Variants in IKZF3 observed in about 807,000 individuals in gnomAD.
The protein encoded by IKZF3 is IKAROS family zinc finger 3.
A neutral mutation model predicts 49.0 loss-of-function variants in IKZF3; 10 were observed. The ratio of observed to expected loss-of-function variants is 0.20; its 90% CI spans 0.13 to 0.35. IKZF3 has a LOEUF of 0.35. Among genes scored for constraint, IKZF3 ranks in the 10% least tolerant of loss-of-function variants. IKZF3 has a pLI of 1.00. For missense variants in IKZF3, 498 were observed against 664.8 expected (o/e 0.75, Z 2.76); for synonymous variants, 209 against 228.2 (o/e 0.92, Z 0.76).
intron 1 of IKZF3, among the ~76,000 whole-genome samples, chr17:39,834,402 T>G (rs1352512470): frequency 6.6e-6 from 1 of 152,232 alleles, no homozygotes; most frequent in Non-Finnish European, 1.5e-5. Context: ...GCTATAAGTT[T>G]TCCTGTAAGC....
chr17:39,830,023 A>G (rs1205115225), intron 2 of IKZF3, among the ~76,000 whole-genome samples: 2 of 152,188 alleles, frequency 1.3e-5, no homozygotes, highest in Non-Finnish European at 2.9e-5. Flanking sequence ...ACTTTCTTGA[A>G]TATTTCTTTC....
intron 1 of IKZF3, among the ~76,000 whole-genome samples, chr17:39,857,344 G>A (rs2063090598): frequency 6.6e-6 from 1 of 152,240 alleles, no homozygotes; most frequent in African/African-American, 2.4e-5. Flanking sequence ...TAAATTAATA[G>A]TCTCTCTAAT....
intron 1 of IKZF3, among the ~76,000 whole-genome samples, chr17:39,847,232 T>C (rs1004659997): frequency 6.6e-6 from 1 of 152,080 alleles, no homozygotes; most frequent in African/African-American, 2.4e-5. Flanking sequence ...TATATAATCA[T>C]TCCTCAAATT....
intron 1 of IKZF3, among the ~76,000 whole-genome samples, chr17:39,856,287 T>C (rs891551071): frequency 6.6e-6 from 1 of 152,192 alleles, no homozygotes; most frequent in East Asian, 1.9e-4. Flanking sequence ...TAATATTCTT[T>C]TTTATTTATT....
At chr17:39,836,633 T>C (rs1342524741) in intron 1 of IKZF3, among the ~76,000 whole-genome samples, 4 of 152,218 alleles carry the variant, frequency 2.6e-5, no homozygotes, top group Non-Finnish European at 5.9e-5. Flanking sequence ...TCTCCAAATA[T>C]GACTGTTGAT....
intron 3 of IKZF3, among the ~76,000 whole-genome samples, chr17:39,794,710 T>C (rs149155266): frequency 6.6e-6 from 1 of 152,352 alleles, no homozygotes; most frequent in African/African-American, 2.4e-5. Context: ...TAAGAAATGA[T>C]ATCTGTTTCC....
chr17:39,851,744 T>C (rs904896359), intron 1 of IKZF3, among the ~76,000 whole-genome samples: 10 of 152,094 alleles, frequency 6.6e-5, no homozygotes, highest in Admixed American at 1.3e-4. Flanking sequence ...TGTATAAAGG[T>C]GAAAAATAAT....
intron 5 of IKZF3, among the ~76,000 whole-genome samples, chr17:39,789,260 T>A (rs2060950886): frequency 6.6e-6 from 1 of 152,088 alleles, no homozygotes; most frequent in African/African-American, 2.4e-5. Context: ...CAAAACCCCA[T>A]CTCTACTAAA....
intron 3 of IKZF3, among the ~76,000 whole-genome samples, chr17:39,816,952 G>T (rs961702785): frequency 6.6e-6 from 1 of 152,192 alleles, no homozygotes; most frequent in African/African-American, 2.4e-5. Context: ...AACCTCAGGC[G>T]ATCTGCCTGC....
intron 7 of IKZF3, among the ~76,000 whole-genome samples, chr17:39,767,875 C>A (rs751124597): frequency 6.6e-6 from 1 of 151,956 alleles, no homozygotes; most frequent in African/African-American, 2.4e-5. Context: ...CCAGCCCGGG[C>A]AACATGGAGG....
At position 39,857,886 on chromosome 17, in the gene IKZF3, G is replaced by A. The variant is rs118182619; in HGVS notation, c.7+6234C>T. Among the ~76,000 whole-genome samples, 90 of 151,660 alleles carry A rather than the reference G, an allele frequency of 5.9e-4. 4 individuals carry two copies. The East Asian group carries it at 0.015, about 25-fold the overall frequency. On this transcript the variant is annotated intron_variant, in intron 1 of 7. Coordinates refer to ENST00000346872, the MANE Select transcript of IKZF3 (RefSeq NM_012481.5). ...TGCCTCTAGTCCCAGCTACTCAAGAGGATGAGGTGGGAGGATCGCTTGAGC... is the reference window on the plus strand; with the variant it reads ...TGCCTCTAGTCCCAGCTACTCAAGAAGATGAGGTGGGAGGATCGCTTGAGC...
intron 1 of IKZF3, among the ~76,000 whole-genome samples, chr17:39,856,401 G>A (rs1165811445): frequency 6.6e-6 from 1 of 151,972 alleles, no homozygotes; most frequent in African/African-American, 2.4e-5. Flanking sequence ...CAATTCTCCT[G>A]CCTTGCTGGT....
chr17:39,842,479 A>G (rs1198052024), intron 1 of IKZF3, among the ~76,000 whole-genome samples: 1 of 152,230 alleles, frequency 6.6e-6, no homozygotes, highest in Non-Finnish European at 1.5e-5. Flanking sequence ...CTGTGCCAGA[A>G]AGCAAGGAAG....
At chr17:39,772,980 TA>T (rs1392802079) in intron 7 of IKZF3, among the ~76,000 whole-genome samples, 1 of 152,142 alleles carries the variant, frequency 6.6e-6, no homozygotes, top group Non-Finnish European at 1.5e-5. Flanking sequence ...CACACCTGGC[TA>T]ATTTTTGTAT....
chr17:39,845,625 T>C (rs1047655501), intron 1 of IKZF3, among the ~76,000 whole-genome samples: 1 of 152,074 alleles, frequency 6.6e-6, no homozygotes, highest in Non-Finnish European at 1.5e-5. Context: ...GCCAACTAAG[T>C]AGTTGTGACA....
chr17:39,797,713 G>A (rs142173545), intron 3 of IKZF3, among the ~76,000 whole-genome samples: 3 of 152,124 alleles, frequency 2.0e-5, no homozygotes, highest in South Asian at 2.1e-4. Context: ...ATGAGCCACC[G>A]TGCCCGGCCC....
intron 3 of IKZF3, among the ~76,000 whole-genome samples, chr17:39,809,065 T>G (rs1288748310): frequency 6.6e-6 from 1 of 152,240 alleles, no homozygotes; most frequent in African/African-American, 2.4e-5. Context: ...AGGCTGGTTC[T>G]AACACATCTT....
intron 1 of IKZF3, among the ~76,000 whole-genome samples, chr17:39,836,859 G>C (rs573793899): frequency 6.6e-6 from 1 of 152,264 alleles, no homozygotes; most frequent in South Asian, 2.1e-4. Context: ...GCTTTGAATA[G>C]TCATATTGTA....
chr17:39,832,060 T>A lies in IKZF3; in HGVS notation c.61+38A>T, dbSNP rs770640765. On this transcript the variant is annotated intron_variant, in intron 2 of 7. Transcript: ENST00000346872. ...CCTCTCTCTTTGGTATTTTTTTTAG[T>A]AAAGGTATATTTCCAGAGAGGAAAG... The A allele has an allele frequency of 4.0e-6, 6 of 1,482,158 alleles. No homozygotes were observed. The South Asian group carries it at 7.0e-5, about 17-fold the overall frequency. The allele number at this position is 1,482,158 out of a possible 1,614,324, so 91.8% of individuals were successfully genotyped here.
Sources: gnomAD v4.1 joint callset for allele counts (sites outside exome capture counted in the v4.1 genomes callset) on GRCh38, gnomAD v4.1.1 for gene constraint, MANE v1.5 for transcripts, NCBI Gene and HGNC (gene_info 2026-07-23, HGNC 2026-07-21) for gene names.